BBX: variants seen among roughly 807,000 people sequenced by gnomAD.
BBX encodes BBX high mobility group box domain containing, also known as HMG box transcription factor BBX.
A neutral mutation model predicts 100.2 loss-of-function variants in BBX; 30 were observed. The ratio of observed to expected loss-of-function variants is 0.30; its 90% CI spans 0.22 to 0.41. BBX has a LOEUF of 0.41. Among genes scored for constraint, BBX ranks in the 10% least tolerant of loss-of-function variants. The pLI is 1.00. For missense variants in BBX, 1,023 were observed against 1,129.8 expected (o/e 0.91, Z 1.35); for synonymous variants, 376 against 388.1 (o/e 0.97, Z 0.37).
chr3:107,805,461 G>A lies in BBX; in HGVS notation c.*4G>A, dbSNP rs767657531. 1.9e-5 allele frequency: 31 copies of A among 1,614,098 alleles called. No individual in the cohort carries two copies. The Middle Eastern group carries it at 6.6e-4, about 34-fold the overall frequency. ...TATTTCCTGCGCTGACCAGTGAAGC[G>A]CCCTTTCATTGTAAAACATTGTGCT... On this transcript the variant is annotated 3_prime_UTR_variant, in exon 18 of 18. Transcript: ENST00000325805.
chr3:107,525,065 C>T (rs1022416543), intron 1 of BBX, among the ~76,000 whole-genome samples: 2 of 150,048 alleles, frequency 1.3e-5, no homozygotes, highest in African/African-American at 4.9e-5. Flanking sequence ...TGGGGGCCCC[C>T]ACGCGGCCCC....
At chr3:107,570,283 G>A (rs2051254329) in intron 2 of BBX, among the ~76,000 whole-genome samples, 1 of 152,168 alleles carries the variant, frequency 6.6e-6, no homozygotes, top group Admixed American at 6.5e-5. Context: ...TTGAAGGTGA[G>A]GTTAATTAAG....
intron 3 of BBX, among the ~76,000 whole-genome samples, chr3:107,675,704 A>T (rs536440073): frequency 6.6e-6 from 1 of 152,340 alleles, no homozygotes; most frequent in African/African-American, 2.4e-5. Context: ...AGGCAGTATG[A>T]TATAGCGGAA....
In BBX at chr3:107,624,485, C is replaced by T. The variant is rs150464688; in HGVS notation, c.-83-21351C>T. On this transcript the variant is annotated intron_variant, in intron 2 of 17. Transcript: ENST00000325805. Reference sequence around the variant, plus strand: ...AAAGTTATTTAAAAATGCTGAAGGGCGTAATAAAAGTATTAGAACAGTTTT... The same window carrying T: ...AAAGTTATTTAAAAATGCTGAAGGGTGTAATAAAAGTATTAGAACAGTTTT... Among the ~76,000 whole-genome samples the T allele has an allele frequency of 2.1e-3, 314 of 152,156 alleles. 1 individual carries two copies. Among genetic ancestry groups the T allele is most frequent in the Middle Eastern group, 6.8e-3 (2 of 294 alleles).
intron 2 of BBX, among the ~76,000 whole-genome samples, chr3:107,588,604 A>G: frequency 6.6e-6 from 1 of 152,134 alleles, no homozygotes; most frequent in African/African-American, 2.4e-5. Context: ...ACTTTGTTTA[A>G]GCTGCTTAAC....
At chr3:107,571,930 G>A (rs2051399092) in intron 2 of BBX, among the ~76,000 whole-genome samples, 1 of 152,252 alleles carries the variant, frequency 6.6e-6, no homozygotes, top group East Asian at 1.9e-4. Flanking sequence ...TAATCCACCT[G>A]TTGGGATTCC....
At chr3:107,632,234 T>G (rs2056593743) in intron 2 of BBX, among the ~76,000 whole-genome samples, 1 of 151,836 alleles carries the variant, frequency 6.6e-6, no homozygotes, top group African/African-American at 2.4e-5. Context: ...TGCACCACCA[T>G]GCCCAGCTAA....
At chr3:107,578,714 G>A (rs1008361890) in intron 2 of BBX, among the ~76,000 whole-genome samples, 1 of 152,082 alleles carries the variant, frequency 6.6e-6, no homozygotes, top group East Asian at 1.9e-4. Context: ...AGCACACTCA[G>A]CTCAAAGGGA....
intron 4 of BBX, among the ~76,000 whole-genome samples, 167 bp downstream of exon 4, chr3:107,710,789 T>G (rs770140819): frequency 1.1e-4 from 16 of 152,256 alleles, no homozygotes; most frequent in Non-Finnish European, 2.2e-4. Context: ...TTGATTGCTC[T>G]TAAAGTATTT....
chr3:107,701,786 T>C (rs1208322481), intron 3 of BBX, among the ~76,000 whole-genome samples: 2 of 150,466 alleles, frequency 1.3e-5, no homozygotes, highest in African/African-American at 2.5e-5. Context: ...AAGCAAAATA[T>C]GTTATCTCTG....
intron 2 of BBX, among the ~76,000 whole-genome samples, chr3:107,527,574 A>C (rs973860916): frequency 9.2e-5 from 14 of 152,220 alleles, no homozygotes; most frequent in African/African-American, 2.9e-4. Context: ...TAGATAATCT[A>C]TGTAAGTTTT....
chr3:107,632,837 G>A, intron 2 of BBX, among the ~76,000 whole-genome samples: 1 of 152,314 alleles, frequency 6.6e-6, no homozygotes, highest in Non-Finnish European at 1.5e-5. Context: ...GTGAAGCTAA[G>A]TCTGTAAGAT....
intron 3 of BBX, among the ~76,000 whole-genome samples, chr3:107,674,602 A>G (rs547176783): frequency 2.0e-5 from 3 of 152,310 alleles, no homozygotes; most frequent in Middle Eastern, 3.4e-3. Context: ...CAGCGGTTGC[A>G]GCCTGGCGGC....
intron 10 of BBX, among the ~76,000 whole-genome samples, chr3:107,757,837 G>A (rs1427774539): frequency 6.6e-6 from 1 of 151,998 alleles, no homozygotes; most frequent in Non-Finnish European, 1.5e-5. Flanking sequence ...TTTTCCTATT[G>A]CCTAGAATTG....
At chr3:107,693,065 T>C (rs1223411461) in intron 3 of BBX, among the ~76,000 whole-genome samples, 1 of 145,310 alleles carries the variant, frequency 6.9e-6, no homozygotes. Flanking sequence ...TTCTTGTAAA[T>C]TTGTTTGAGT....
At position 107,772,628 on chromosome 3, in the gene BBX, A is replaced by G; in HGVS notation, c.907A>G (p.Met303Val). ...CTCCCATTTTGTTTTAATTGTTTAG[A>G]TGTGCCTGGCATCAGAAGGGATGAA... is the stretch of plus-strand genomic sequence containing the variant. ...GKSALFQLAE[M>V]CLASEGMKME... Residue 303 changes from methionine (M) to valine (V), a missense_variant and splice_region_variant, in exon 11 of 18, where the codon ATG becomes GTG. Met to Val is a conservative substitution (Grantham distance 21). Transcript: ENST00000325805. The G allele has an allele frequency of 6.4e-7, 1 of 1,572,620 alleles. No homozygotes were observed. Among genetic ancestry groups the G allele is most frequent in the Non-Finnish European group, 8.6e-7 (1 of 1,166,840 alleles).
chr3:107,554,537 A>T (rs1202430809), intron 2 of BBX, among the ~76,000 whole-genome samples: 1 of 152,188 alleles, frequency 6.6e-6, no homozygotes, highest in African/African-American at 2.4e-5. Flanking sequence ...GTAATATACA[A>T]ATTTTAATAT....
chr3:107,537,570 T>C (rs986180140), intron 2 of BBX, among the ~76,000 whole-genome samples: 1 of 152,220 alleles, frequency 6.6e-6, no homozygotes, highest in Non-Finnish European at 1.5e-5. Flanking sequence ...AGTTTTTAGG[T>C]TTTCCAGGAT....
chr3:107,670,945 A>G (rs1046924916), intron 3 of BBX, among the ~76,000 whole-genome samples: 2 of 152,064 alleles, frequency 1.3e-5, no homozygotes, highest in African/African-American at 4.8e-5. Context: ...GTTTTTTCCT[A>G]AAAACAATTT....
Sources: gnomAD v4.1 joint callset for allele counts (sites outside exome capture counted in the v4.1 genomes callset) on GRCh38, gnomAD v4.1.1 for gene constraint, MANE v1.5 for transcripts, NCBI Gene and HGNC (gene_info 2026-07-23, HGNC 2026-07-21) for gene names.